The following MYO1E variants were observed in gnomAD, a reference collection of about 807,000 sequenced individuals.
The protein encoded by MYO1E is myosin IE.
In MYO1E, 68 loss-of-function variants were observed where a neutral mutation model predicts 151.1. The observed-to-expected ratio is 0.45, with a 90% CI of 0.37 to 0.55. The LOEUF is 0.55. MYO1E is among the 20% of genes least tolerant of loss of function. The pLI is 0.00. For synonymous variants in MYO1E, 601 were observed against 501.7 expected (o/e 1.20, Z -2.64); for missense variants, 1,363 against 1,389.3 (o/e 0.98, Z 0.30).
At chr15:59,151,679 A>G (rs377760715) in intron 26 of MYO1E, among the ~76,000 whole-genome samples, 1 of 152,080 alleles carries the variant, frequency 6.6e-6, no homozygotes. Flanking sequence ...TTGGGAGGCC[A>G]AGGCGGGTGG....
chr15:59,249,170 T>A (rs569902130), intron 4 of MYO1E, among the ~76,000 whole-genome samples: 1 of 152,284 alleles, frequency 6.6e-6, no homozygotes, highest in African/African-American at 2.4e-5. Context: ...ACGCCTGTAA[T>A]CCCAGCACTT....
In MYO1E at chr15:59,368,746, A is replaced by C. The variant is rs188097385; in HGVS notation, c.3+3752T>G. Among the ~76,000 whole-genome samples the C allele has an allele frequency of 9.9e-4, 141 of 142,134 alleles. 2 individuals carry two copies. The East Asian group carries it at 0.026, about 26-fold the overall frequency. 93.2% of individuals were successfully genotyped at this position (142,134 alleles called of 152,430 possible). ...GGGCGACAGTGAGAGACTCCAACTC[A>C]AAAAAAAAAAGTTTGCAACCACTGA... On this transcript the variant is annotated intron_variant, in intron 1 of 27. Transcript: ENST00000288235.
intron 14 of MYO1E, chr15:59,206,640 A>G: frequency 2.7e-6 from 1 of 371,830 alleles, no homozygotes; most frequent in Non-Finnish European, 4.8e-6. Flanking sequence ...AAAACTAGTA[A>G]TTCCAGGGAT....
chr15:59,297,294 C>G (rs1330727458), intron 1 of MYO1E, among the ~76,000 whole-genome samples: 1 of 148,672 alleles, frequency 6.7e-6, no homozygotes, highest in Admixed American at 6.7e-5. Flanking sequence ...TTTTTAGAGA[C>G]AGGGTCTTAC....
chr15:59,227,013 C>T (rs899333551), intron 7 of MYO1E, among the ~76,000 whole-genome samples: 10 of 152,198 alleles, frequency 6.6e-5, no homozygotes, highest in East Asian at 1.9e-4. Context: ...GAGACGCCTG[C>T]CCTGCAGGCA....
In MYO1E at chr15:59,227,552, T is replaced by C. The variant is rs201262187; in HGVS notation, c.549A>G (p.Glu183=). ...YFEIQFSPGG[E]PDGGKISNFL... Reference sequence around the variant, plus strand: ...AGTTGGAGATCTTTCCACCATCTGGTTCCCCACCTGGACTGAACTGGATTT... The same window carrying C: ...AGTTGGAGATCTTTCCACCATCTGGCTCCCCACCTGGACTGAACTGGATTT... Residue 183 remains glutamate (E), a synonymous_variant, in exon 7 of 28, where the codon GAA becomes GAG. Coordinates refer to ENST00000288235, the MANE Select transcript of MYO1E (RefSeq NM_004998.4). 41 of 1,614,202 alleles carry C rather than the reference T, an allele frequency of 2.5e-5. No individual in the cohort carries two copies. The East Asian group carries it at 8.9e-4, about 35-fold the overall frequency.
At position 59,136,031 on chromosome 15, in the gene MYO1E, G is replaced by A. The variant is rs11853828; in HGVS notation, c.*1349C>T. 39,511 of 152,208 alleles carry A rather than the reference G, an allele frequency of 0.26. 5,236 individuals are homozygous for A. The highest frequency in any genetic ancestry group is 0.4 in the East Asian group (2,054 of 5,182). 9.4% of individuals were successfully genotyped at this position (152,208 alleles called of 1,614,324 possible). A position where few individuals can be genotyped will look rare whatever the true frequency, so the allele number is the denominator to read the frequency against. On this transcript the variant is annotated 3_prime_UTR_variant, in exon 28 of 28. Transcript: ENST00000288235. ...GAGGTTGGAAGTCCAAGACCAAGGT[G>A]GGCAGGGCTGGTTCCTTGTGAGGGT...
chr15:59,137,300 G>C lies in MYO1E; in HGVS notation c.*80C>G. On this transcript the variant is annotated 3_prime_UTR_variant, in exon 28 of 28. Transcript: ENST00000288235. ...GAGAAGCAATTGCTCATTGTGGATTGTAAGGGGAGCCCCTAAATATCCCCT... is the reference window on the plus strand; with the variant it reads ...GAGAAGCAATTGCTCATTGTGGATTCTAAGGGGAGCCCCTAAATATCCCCT... The C allele has an allele frequency of 2.4e-6, 3 of 1,269,470 alleles. No individual in the cohort carries two copies. The highest frequency in any genetic ancestry group is 3.5e-6 in the Non-Finnish European group (3 of 868,226). The allele number at this position is 1,269,470 out of a possible 1,614,324, so 78.6% of individuals were successfully genotyped here. A position where few individuals can be genotyped will look rare whatever the true frequency, so the allele number is the denominator to read the frequency against.
At chr15:59,214,762 C>T (rs1249604645) in intron 10 of MYO1E, 42 bp from the exon 11 acceptor site, 1 of 1,514,852 alleles carries the variant, frequency 6.6e-7, no homozygotes, top group Non-Finnish European at 9.2e-7. Context: ...CCTTTCCATT[C>T]ATACTAAAAA....
At chr15:59,270,434 T>C (rs1431551488) in intron 2 of MYO1E, among the ~76,000 whole-genome samples, 4 of 151,084 alleles carry the variant, frequency 2.6e-5, no homozygotes, top group Admixed American at 2.6e-4. Context: ...GTCCAGCTAC[T>C]TGGGAGGCTG....
intron 17 of MYO1E, among the ~76,000 whole-genome samples, chr15:59,190,827 T>C (rs1489104241): frequency 1.3e-5 from 2 of 152,108 alleles, no homozygotes; most frequent in Non-Finnish European, 2.9e-5. Flanking sequence ...GATAGGAGAA[T>C]AGAGAAGGAA....
chr15:59,136,172 T>C lies in MYO1E; in HGVS notation c.*1208A>G, dbSNP rs1320346559. 6.6e-6 allele frequency: 1 copy of C among 152,492 alleles called. No individual in the cohort carries two copies. The highest frequency in any genetic ancestry group is 1.5e-5 in the Non-Finnish European group (1 of 68,266). The allele number at this position is 152,492 out of a possible 1,614,324, so 9.4% of individuals were successfully genotyped here. A position where few individuals can be genotyped will look rare whatever the true frequency, so the allele number is the denominator to read the frequency against. On this transcript the variant is annotated 3_prime_UTR_variant, in exon 28 of 28. Coordinates refer to ENST00000288235, the MANE Select transcript of MYO1E (RefSeq NM_004998.4). ...TGGTCTCTGTGTCCAAATTTCCCCT[T>C]TTCATCAGGACACCATTATATTGGA...
At position 59,134,861 on chromosome 15, in the gene MYO1E, A is replaced by G. The variant is rs1421234776; in HGVS notation, c.*2519T>C. On this transcript the variant is annotated 3_prime_UTR_variant, in exon 28 of 28. Coordinates refer to ENST00000288235, the MANE Select transcript of MYO1E (RefSeq NM_004998.4). The stretch of plus-strand genomic sequence containing the variant: ...AGTGAACAAAATGGCAGGCCAGGCT[A>G]GATCCACAGACTAGAGGAAACCCAG... 1 of 152,186 alleles carries G rather than the reference A, an allele frequency of 6.6e-6. No individual in the cohort carries two copies. The highest frequency in any genetic ancestry group is 1.5e-5 in the Non-Finnish European group (1 of 68,030). The allele number at this position is 152,186 out of a possible 1,614,324, so 9.4% of individuals were successfully genotyped here. A position where few individuals can be genotyped will look rare whatever the true frequency, so the allele number is the denominator to read the frequency against.
At chr15:59,276,731 G>C (rs2080321564) in intron 1 of MYO1E, among the ~76,000 whole-genome samples, 1 of 152,142 alleles carries the variant, frequency 6.6e-6, no homozygotes, top group African/African-American at 2.4e-5. Flanking sequence ...ACTCGGCCTT[G>C]AGGCTGGGAA....
rs1407200447 is a variant in MYO1E at position 59,208,776 on chromosome 15, G to C, written c.1435C>G (p.Gln479Glu). ...TMHAVGEGAD[Q>E]TLLQKLQMQI... ...ATCTGAAGTTTCTGGAGCAGCGTCT[G>C]ATCTGCCCCCTCACCCACCGCATGC... is the stretch of plus-strand genomic sequence containing the variant. Residue 479 changes from glutamine (Q) to glutamate (E), a missense_variant, in exon 14 of 28, where the codon CAG (glutamine) becomes GAG (glutamate). Transcript: ENST00000288235. The C allele has an allele frequency of 6.2e-7, 1 of 1,614,068 alleles. No homozygotes were observed. The highest frequency in any genetic ancestry group is 1.3e-5 in the African/African-American group (1 of 74,930).
At chr15:59,169,268 C>T (rs924117918) in intron 22 of MYO1E, among the ~76,000 whole-genome samples, 1 of 152,232 alleles carries the variant, frequency 6.6e-6, no homozygotes, top group Non-Finnish European at 1.5e-5. Context: ...AAAACACATA[C>T]AGATGTTGCA....
At chr15:59,278,716 G>C (rs1234305281) in intron 1 of MYO1E, among the ~76,000 whole-genome samples, 1 of 152,176 alleles carries the variant, frequency 6.6e-6, no homozygotes, top group Non-Finnish European at 1.5e-5. Flanking sequence ...AAGTGTTCCT[G>C]AAACAGTGCA....
At chr15:59,240,954 A>G (rs2080096026) in intron 4 of MYO1E, among the ~76,000 whole-genome samples, 1 of 152,244 alleles carries the variant, frequency 6.6e-6, no homozygotes, top group Admixed American at 6.5e-5. Context: ...ACTGTCTTAC[A>G]GGGAAGTCGA....
chr15:59,280,272 T>G (rs561855263), intron 1 of MYO1E, among the ~76,000 whole-genome samples: 1 of 152,244 alleles, frequency 6.6e-6, no homozygotes, highest in African/African-American at 2.4e-5. Flanking sequence ...GAACAGTTAA[T>G]GTATTCCATC....
Sources: allele counts gnomAD v4.1 joint callset (sites outside exome capture counted in the v4.1 genomes callset), GRCh38; gene constraint gnomAD v4.1.1; transcripts MANE v1.5; gene names NCBI Gene and HGNC (gene_info 2026-07-23, HGNC 2026-07-21).